The following DCC variants were observed in gnomAD, a reference collection of about 807,000 sequenced individuals.
DCC encodes the protein netrin receptor DCC.
Under a neutral mutation model 172.5 loss-of-function variants are expected in DCC, and 58 were observed. That is an observed-to-expected ratio of 0.34 (90% CI 0.27 to 0.42). DCC has a LOEUF of 0.42. Ranked by LOEUF, DCC falls within the 10% of genes least tolerant of loss-of-function variation. DCC has a pLI of 1.00. For missense variants in DCC, 1,740 were observed against 1,791.0 expected (o/e 0.97, Z 0.51); for synonymous variants, 709 against 644.5 (o/e 1.10, Z -1.52).
intron 1 of DCC, among the ~76,000 whole-genome samples, chr18:52,678,159 C>G (rs2035679505): frequency 6.6e-6 from 1 of 152,106 alleles, no homozygotes; most frequent in Non-Finnish European, 1.5e-5. Context: ...ACTCTGCCCT[C>G]CCTCTCAGAG....
Position 52,643,259 on chromosome 18 carries a change from C to T in DCC, c.92-108795C>T, listed in dbSNP as rs530113116. Among the ~76,000 whole-genome samples, 7 of 152,158 alleles carry T rather than the reference C, an allele frequency of 4.6e-5. No individual in the cohort carries two copies. In the South Asian group the frequency reaches 1.2e-3, roughly 27 times the overall value. On this transcript the variant is annotated intron_variant, in intron 1 of 28. Transcript: ENST00000442544. ...AGACAAGAAGATTTTCTACCTGCCACATTTTCAAGCTGTTGACCTAGTTTC... is the reference window on the plus strand; with the variant it reads ...AGACAAGAAGATTTTCTACCTGCCATATTTTCAAGCTGTTGACCTAGTTTC...
chr18:52,718,627 A>G (rs1266056019), intron 1 of DCC, among the ~76,000 whole-genome samples: 1 of 152,154 alleles, frequency 6.6e-6, no homozygotes, highest in South Asian at 2.1e-4. Flanking sequence ...GCTTCCTGTC[A>G]TCTACTGGAG....
chr18:52,740,892 T>C (rs7230936), intron 1 of DCC, among the ~76,000 whole-genome samples: 9,907 of 152,116 alleles, frequency 0.065, 1,038 homozygotes, highest in African/African-American at 0.22. Flanking sequence ...TTGAGGGTAA[T>C]TTTTTTCTGT....
intron 2 of DCC, among the ~76,000 whole-genome samples, chr18:52,799,919 G>A (rs1279485217): frequency 2.6e-5 from 4 of 152,106 alleles, no homozygotes; most frequent in Admixed American, 2.6e-4. Context: ...TTGTTCTTCA[G>A]TTACATCATT....
chr18:53,052,080 G>A (rs1164888287), intron 5 of DCC, among the ~76,000 whole-genome samples: 1 of 151,798 alleles, frequency 6.6e-6, no homozygotes, highest in Admixed American at 6.6e-5. Flanking sequence ...TATCGAGTCT[G>A]ATACATGTTG....
At chr18:52,433,356 G>A (rs961266301) in intron 1 of DCC, among the ~76,000 whole-genome samples, 1 of 152,078 alleles carries the variant, frequency 6.6e-6, no homozygotes, top group African/African-American at 2.4e-5. Context: ...TATCATTTGG[G>A]TGAGAAAGAC....
At chr18:52,521,279 T>C (rs1383389022) in intron 1 of DCC, among the ~76,000 whole-genome samples, 11 of 152,214 alleles carry the variant, frequency 7.2e-5, no homozygotes, top group African/African-American at 2.7e-4. Flanking sequence ...CTGGGTCAAA[T>C]AGATTCATTT....
rs185500498 is a variant in DCC, at chr18:52,744,307, T to G, written c.92-7747T>G. 3.7e-3 allele frequency among the ~76,000 whole-genome samples: 556 copies of G among 152,316 alleles called. 1 individual carries two copies. Among genetic ancestry groups the G allele is most frequent in the Middle Eastern group, 6.8e-3 (2 of 294 alleles). The stretch of plus-strand genomic sequence containing the variant: ...ACTCTAATGAGGGAGAAACTTTGAC[T>G]GTTCCTTTTAAATTTTCACTTAAAT... On this transcript the variant is annotated intron_variant, in intron 1 of 28. Coordinates refer to ENST00000442544, the MANE Select transcript of DCC (RefSeq NM_005215.4).
At chr18:52,836,749 G>A (rs975772307) in intron 2 of DCC, among the ~76,000 whole-genome samples, 1 of 152,190 alleles carries the variant, frequency 6.6e-6, no homozygotes, top group Non-Finnish European at 1.5e-5. Context: ...CAGGTGCACA[G>A]TGCATGCTGT....
At chr18:52,955,468 G>C (rs1442603765) in intron 5 of DCC, among the ~76,000 whole-genome samples, 4 of 151,768 alleles carry the variant, frequency 2.6e-5, no homozygotes, top group East Asian at 1.9e-4. Flanking sequence ...CATCTTGGTT[G>C]TTTCCAAATT....
At chr18:53,151,018 G>A (rs1044122468) in intron 7 of DCC, among the ~76,000 whole-genome samples, 2 of 152,194 alleles carry the variant, frequency 1.3e-5, no homozygotes, top group African/African-American at 2.4e-5. Flanking sequence ...AAGCTGAGTA[G>A]GGGGTATGAC....
At chr18:52,610,382 C>CAAAAAAAAAAA (rs55715009) in intron 1 of DCC, among the ~76,000 whole-genome samples, 20 of 49,976 alleles carry the variant, frequency 4.0e-4, no homozygotes, top group South Asian at 1.7e-3. Context: ...TCTGTCTCAA[C>CAAAAAAAAAAA]AAAAAAAAAA....
At chr18:52,732,144 T>C (rs745908790) in intron 1 of DCC, among the ~76,000 whole-genome samples, 4 of 152,178 alleles carry the variant, frequency 2.6e-5, no homozygotes, top group Non-Finnish European at 5.9e-5. Flanking sequence ...CATTCCTTAA[T>C]GTGGGTAAAA....
chr18:52,401,284 A>T (rs1986430659), intron 1 of DCC, among the ~76,000 whole-genome samples: 1 of 151,940 alleles, frequency 6.6e-6, no homozygotes, highest in Admixed American at 6.6e-5. Context: ...TCACTATCTG[A>T]ATTTGCATGG....
intron 23 of DCC, among the ~76,000 whole-genome samples, chr18:53,458,883 T>A (rs142018759): frequency 5.1e-4 from 78 of 152,296 alleles, no homozygotes; most frequent in African/African-American, 1.8e-3. Flanking sequence ...CCTAAACAGA[T>A]GTTGCCATCA....
chr18:53,061,674 C>A (rs974155552), intron 5 of DCC, among the ~76,000 whole-genome samples: 25 of 152,206 alleles, frequency 1.6e-4, no homozygotes, highest in African/African-American at 5.5e-4. Flanking sequence ...ACAGTTATAG[C>A]AAATCACTTT....
intron 1 of DCC, among the ~76,000 whole-genome samples, chr18:52,713,752 C>G (rs1240490739): frequency 6.6e-6 from 1 of 152,146 alleles, no homozygotes; most frequent in Admixed American, 6.5e-5. Context: ...CTGTCATCAT[C>G]ATTATCATCA....
At chr18:52,436,109 C>T (rs1312455554) in intron 1 of DCC, among the ~76,000 whole-genome samples, 1 of 152,216 alleles carries the variant, frequency 6.6e-6, no homozygotes, top group Non-Finnish European at 1.5e-5. Context: ...CTCTCTTACC[C>T]ACTCAGAGGG....
At chr18:52,910,396 G>C (rs2039955280) in intron 3 of DCC, among the ~76,000 whole-genome samples, 1 of 152,086 alleles carries the variant, frequency 6.6e-6, no homozygotes, top group African/African-American at 2.4e-5. Flanking sequence ...AGGAAAATTA[G>C]TACCTAGTTT....
Sources: gnomAD v4.1 joint callset for allele counts (sites outside exome capture counted in the v4.1 genomes callset) on GRCh38, gnomAD v4.1.1 for gene constraint, MANE v1.5 for transcripts, NCBI Gene and HGNC (gene_info 2026-07-23, HGNC 2026-07-21) for gene names.